The following VWA2 variants were observed in gnomAD, a reference collection of about 807,000 sequenced individuals.
VWA2 encodes the protein von Willebrand factor A domain containing 2.
A neutral mutation model predicts 70.4 loss-of-function variants in VWA2; 73 were observed. The ratio of observed to expected loss-of-function variants is 1.04; its 90% CI spans 0.86 to 1.26. The LOEUF (loss-of-function observed/expected upper bound fraction) is 1.26. VWA2 is among the 50% of genes most tolerant of loss of function. VWA2 has a pLI of 0.00. For missense variants in VWA2, 1,011 were observed against 998.5 expected (o/e 1.01, Z -0.17); for synonymous variants, 407 against 423.3 (o/e 0.96, Z 0.47).
At chr10:114,253,609 TC>T (rs758408122) in intron 2 of VWA2, 41 bp from the exon 3 acceptor site, 1 of 1,035,460 alleles carries the variant, frequency 9.7e-7, no homozygotes, top group Non-Finnish European at 1.3e-6. Flanking sequence ...CCTCCTCCCC[TC>T]TCAGCATTTT....
chr10:114,293,784 T>G lies in VWA2; in HGVS notation c.*2547T>G, dbSNP rs1402466471. ...ATTGACTCTTGCTTTTCTAGAGAAA[T>G]ATTTCCAAATGATGCTAGTTTTGTC... On this transcript the variant is annotated 3_prime_UTR_variant, in exon 14 of 14. Coordinates refer to ENST00000392982, the MANE Select transcript of VWA2 (RefSeq NM_001272046.2). Among the ~76,000 whole-genome samples the G allele has an allele frequency of 6.6e-6, 1 of 152,220 alleles. No homozygotes were observed. Among genetic ancestry groups the G allele is most frequent in the East Asian group, 1.9e-4 (1 of 5,202 alleles).
chr10:114,244,027 C>T (rs949431104), intron 1 of VWA2, among the ~76,000 whole-genome samples: 1 of 152,130 alleles, frequency 6.6e-6, no homozygotes, highest in African/African-American at 2.4e-5. Flanking sequence ...AGGTGATGAG[C>T]GAGGTGTAAC....
At chr10:114,264,186 G>T (rs2037509889) in intron 5 of VWA2, among the ~76,000 whole-genome samples, 1 of 152,200 alleles carries the variant, frequency 6.6e-6, no homozygotes, top group Non-Finnish European at 1.5e-5. Flanking sequence ...GAAAATAGTT[G>T]TATGCTAATG....
At chr10:114,250,012 C>G (rs2037162172) in intron 2 of VWA2, among the ~76,000 whole-genome samples, 1 of 152,172 alleles carries the variant, frequency 6.6e-6, no homozygotes, top group Admixed American at 6.5e-5. Context: ...TGGATCACCC[C>G]CTCATCCCAA....
rs1225954561 is a variant in VWA2, at chr10:114,255,047, G to C, written c.260G>C (p.Arg87Thr). The C allele has an allele frequency of 2.5e-6, 4 of 1,611,726 alleles. No individual in the cohort carries two copies. The highest frequency in any genetic ancestry group is 8.5e-7 in the Non-Finnish European group (1 of 1,179,840). Residue 87 changes from arginine (R) to threonine (T), a missense_variant and splice_region_variant, in exon 4 of 14, where the codon AGG (arginine) becomes ACG (threonine). Arg to Thr is a moderately conservative substitution (Grantham distance 71). Coordinates refer to ENST00000392982, the MANE Select transcript of VWA2 (RefSeq NM_001272046.2). The stretch of plus-strand genomic sequence containing the variant: ...GACGGTCTGGACATCAGCCCCGAGA[G>C]GGTGAGTGCAAGTCTTGTGGGTGTT... ...VCDGLDISPE[R>T]VRVGAFQFSS...
At chr10:114,278,121 G>A in intron 7 of VWA2, 74 bp downstream of exon 7, 1 of 1,543,806 alleles carries the variant, frequency 6.5e-7, no homozygotes, top group East Asian at 2.3e-5. Flanking sequence ...CAAGAGGTCA[G>A]GACCCAGGAG....
chr10:114,250,855 C>T (rs1308523786), intron 2 of VWA2, among the ~76,000 whole-genome samples: 1 of 152,216 alleles, frequency 6.6e-6, no homozygotes, highest in Non-Finnish European at 1.5e-5. Flanking sequence ...TTGTCATGGA[C>T]CTTTGCCTTC....
chr10:114,277,168 CTTTTTTTTT>C (rs780326649), intron 6 of VWA2, among the ~76,000 whole-genome samples: 46 of 61,206 alleles, frequency 7.5e-4, no homozygotes, highest in African/African-American at 2.6e-3. Context: ...GACTGCACGT[CTTTTTTTTT>C]TTTTTTTTTT....
intron 4 of VWA2, among the ~76,000 whole-genome samples, chr10:114,255,733 A>G (rs551643446): frequency 7.2e-5 from 11 of 152,148 alleles, no homozygotes; most frequent in African/African-American, 2.7e-4. Context: ...TAAATATAGC[A>G]GAGTGTGGTA....
chr10:114,286,379 A>G lies in VWA2; in HGVS notation c.1438A>G (p.Ser480Gly), dbSNP rs1399895503. The G allele has an allele frequency of 1.9e-6, 3 of 1,613,902 alleles. No homozygotes were observed. Among genetic ancestry groups the G allele is most frequent in the Non-Finnish European group, 1.7e-6 (2 of 1,180,036 alleles). ...AGAGCTGCTCCTGCTGGGTGTAGGCAGTGAGGCCGTGCGGGCAGAGCTGGA... is the reference window on the plus strand; with the variant it reads ...AGAGCTGCTCCTGCTGGGTGTAGGCGGTGAGGCCGTGCGGGCAGAGCTGGA... The part of the protein sequence containing the change: ...ARELLLLGVG[S>G]EAVRAELEEI... Residue 480 changes from serine to glycine, a missense_variant, in exon 11 of 14, where the codon AGT becomes GGT. By Grantham distance (56) the Ser-to-Gly change is moderately conservative (BLOSUM62 0). Transcript: ENST00000392982.
chr10:114,254,856 G>C, intron 3 of VWA2, 59 bp from the exon 4 acceptor site: 1 of 1,591,050 alleles, frequency 6.3e-7, no homozygotes. Flanking sequence ...CCTTCACTCT[G>C]CTTCAGAAGT....
At chr10:114,275,351 A>T (rs185033623) in intron 6 of VWA2, among the ~76,000 whole-genome samples, 1 of 152,338 alleles carries the variant, frequency 6.6e-6, no homozygotes, top group East Asian at 1.9e-4. Flanking sequence ...CTTCTCAAAT[A>T]TAGGCAATAC....
At position 114,278,768 on chromosome 10, in the gene VWA2, C is replaced by T. The variant is rs750598220; in HGVS notation, c.750C>T (p.Val250=). ...HPCEHRTLEM[V]REFAGNAPCW... ...GTGAGCACAGGACGCTGGAGATGGT[C>T]CGGGAGTTCGCTGGCAATGCCCCAT... The change falls in exon 8 of 14, where the codon GTC becomes GTT. Residue 250 remains valine (V), a synonymous_variant. Coordinates refer to ENST00000392982, the MANE Select transcript of VWA2 (RefSeq NM_001272046.2). The T allele has an allele frequency of 4.3e-6, 7 of 1,613,884 alleles. No homozygotes were observed. In the South Asian group the frequency reaches 6.6e-5, roughly 15 times the overall value.
chr10:114,288,680 G>A (rs1000116339), intron 11 of VWA2, among the ~76,000 whole-genome samples: 3 of 152,218 alleles, frequency 2.0e-5, no homozygotes, highest in Non-Finnish European at 4.4e-5. Context: ...GATCACGTCC[G>A]TCAGATAGAA....
At chr10:114,241,414 A>G (rs1241355105) in intron 1 of VWA2, among the ~76,000 whole-genome samples, 1 of 152,158 alleles carries the variant, frequency 6.6e-6, no homozygotes, top group Admixed American at 6.5e-5. Context: ...TACTGTCTCA[A>G]TAGTTTTACC....
chr10:114,246,404 G>A (rs2037069773), intron 1 of VWA2: 1 of 595,772 alleles, frequency 1.7e-6, no homozygotes, highest in Admixed American at 3.0e-5. Context: ...AGAAGGCTGA[G>A]ACAGGAGAAT....
intron 4 of VWA2, among the ~76,000 whole-genome samples, chr10:114,260,207 T>G (rs2037415267): frequency 6.6e-6 from 1 of 152,184 alleles, no homozygotes; most frequent in South Asian, 2.1e-4. Flanking sequence ...GCTGAATGTT[T>G]GTAGTCTTCT....
At position 114,248,785 on chromosome 10, in the gene VWA2, G is replaced by A; in HGVS notation, c.52+20G>A. 2 of 1,611,658 alleles carry A rather than the reference G, an allele frequency of 1.2e-6. No homozygotes were observed. ...CCAGAGGTAAGATGTGTTTATTGGT[G>A]GTGGGGAAGTACTGGCGTGTTGAGT... On this transcript the variant is annotated intron_variant, in intron 2 of 13. Coordinates refer to ENST00000392982, the MANE Select transcript of VWA2 (RefSeq NM_001272046.2).
At chr10:114,282,424 C>A (rs2038262968) in intron 8 of VWA2, 92 bp from the exon 9 acceptor site, 2 of 1,017,144 alleles carry the variant, frequency 2.0e-6, no homozygotes, top group Non-Finnish European at 3.1e-6. Flanking sequence ...TTGGAATCTT[C>A]TATCAGCTTT....
Sources: gnomAD v4.1 joint callset for allele counts (sites outside exome capture counted in the v4.1 genomes callset) on GRCh38, gnomAD v4.1.1 for gene constraint, MANE v1.5 for transcripts, NCBI Gene and HGNC (gene_info 2026-07-23, HGNC 2026-07-21) for gene names.